The following MAST3 variants were observed in gnomAD, a reference collection of about 807,000 sequenced individuals.
MAST3 encodes microtubule associated serine/threonine kinase 3.
MAST3 carries 43 observed loss-of-function variants against 127.0 expected under a neutral mutation model. The observed-to-expected ratio is 0.34, with a 90% CI of 0.27 to 0.44. MAST3 has a LOEUF of 0.44. MAST3 is among the 20% of genes least tolerant of loss of function. The probability of loss-of-function intolerance (pLI) is 1.00; values close to 1 mark genes in which losing one functional copy is unlikely to be tolerated. For synonymous variants in MAST3, 785 were observed against 809.2 expected, an observed-to-expected ratio of 0.97 and a Z score of 0.51; for missense variants, 1,390 against 1,919.1, an observed-to-expected ratio of 0.72 and a Z score of 5.15.
intron 21 of MAST3, 131 bp downstream of exon 21, chr19:18,142,146 C>A: frequency 1.9e-6 from 2 of 1,027,906 alleles, no homozygotes; most frequent in Non-Finnish European, 2.5e-6. Context: ...ACCAGCCTAT[C>A]AGGTCCCTGG....
At chr19:18,138,769 G>A (rs1224207194) in intron 19 of MAST3, among the ~76,000 whole-genome samples, 1 of 152,110 alleles carries the variant, frequency 6.6e-6, no homozygotes, top group Admixed American at 6.6e-5. Context: ...AAAGTGCTGG[G>A]ATTACAGGCG....
In MAST3 at chr19:18,145,257, C is replaced by T. The variant is rs2042907766; in HGVS notation, c.3039+28C>T. 4 of 1,602,334 alleles carry T rather than the reference C, an allele frequency of 2.5e-6. No homozygotes were observed. Among genetic ancestry groups the T allele is most frequent in the Non-Finnish European group, 3.4e-6 (4 of 1,169,928 alleles). On this transcript the variant is annotated intron_variant, in intron 24 of 27. Coordinates refer to ENST00000687212, the MANE Select transcript of MAST3 (RefSeq NM_001393504.1). This position sits in a 1 kb window ranked among gnomAD's most constrained non-coding sequence, Gnocchi z 5.9. ...GAGTGCCGAGTGGGAATGGCAGGGA[C>T]CCGGGTTCTAGTTTGACTCTGCCCG...
intron 25 of MAST3, 72 bp from the exon 26 acceptor site, chr19:18,146,809 C>G: frequency 7.0e-7 from 1 of 1,436,056 alleles, no homozygotes; most frequent in Non-Finnish European, 9.4e-7. Flanking sequence ...GTGAAGGGGA[C>G]ATAGCAGCTG....
intron 27 of MAST3, among the ~76,000 whole-genome samples, chr19:18,148,795 T>C (rs1213438206): frequency 2.0e-5 from 3 of 151,536 alleles, no homozygotes; most frequent in East Asian, 3.9e-4. Context: ...CCCAGTTACT[T>C]AGGGGGCCGA....
intron 3 of MAST3, among the ~76,000 whole-genome samples, chr19:18,116,008 C>G (rs56382123): frequency 6.6e-6 from 1 of 152,132 alleles, no homozygotes; most frequent in African/African-American, 2.4e-5. Flanking sequence ...ATTACCTCCT[C>G]TGAGAGGCCT....
intron 1 of MAST3, among the ~76,000 whole-genome samples, chr19:18,102,747 T>C (rs1196453332): frequency 6.6e-6 from 1 of 152,030 alleles, no homozygotes; most frequent in Non-Finnish European, 1.5e-5. Flanking sequence ...CCCAGCGTGC[T>C]GGGATTACAG....
At chr19:18,126,414 C>T (rs192764182) in intron 11 of MAST3, among the ~76,000 whole-genome samples, 2 of 152,204 alleles carry the variant, frequency 1.3e-5, no homozygotes, top group African/African-American at 4.8e-5. Context: ...AAACAGGCAG[C>T]ATAGGCATAG....
chr19:18,125,598 G>A (rs778546092), intron 11 of MAST3, among the ~76,000 whole-genome samples: 35 of 151,850 alleles, frequency 2.3e-4, no homozygotes, highest in Non-Finnish European at 3.2e-4. Flanking sequence ...AAAATTAGCC[G>A]GGTGTGGTGG....
rs1033338534 is a variant in MAST3, at chr19:18,149,512, G to A, written c.3830G>A (p.Arg1277Gln). The change falls in exon 28 of 28, where the codon CGG becomes CAG. Residue 1277 changes from arginine (R) to glutamine (Q), a missense_variant. Physicochemically the swap from Arg to Gln is conservative, Grantham distance 43 (BLOSUM62 1). Coordinates refer to ENST00000687212, the MANE Select transcript of MAST3 (RefSeq NM_001393504.1). The surrounding 1 kb of genome is among the most constrained non-coding windows in gnomAD (Gnocchi z 5.9). ...TGERLDGEAG[R>Q]RTRGPEAELV... is the part of the protein sequence containing the mutation. ...GAGCGGCTGGATGGGGAGGCGGGGCGGCGCACTCGTGGGCCAGAGGCCGAG... is the reference window on the plus strand; with the variant it reads ...GAGCGGCTGGATGGGGAGGCGGGGCAGCGCACTCGTGGGCCAGAGGCCGAG... 9.7e-6 allele frequency: 15 copies of A among 1,549,088 alleles called. No homozygotes were observed. Among genetic ancestry groups the A allele is most frequent in the Non-Finnish European group, 1.3e-5 (15 of 1,146,878 alleles).
chr19:18,110,364 C>G lies in MAST3; in HGVS notation c.72-288C>G. The G allele has an allele frequency of 2.0e-6, 2 of 985,554 alleles. No homozygotes were observed. The highest frequency in any genetic ancestry group is 2.4e-6 in the Non-Finnish European group (2 of 830,026). The allele number at this position is 985,554 out of a possible 1,614,324, so 61.1% of individuals were successfully genotyped here. ...AGCTGCACATCCCGGCGCTGACCCT[C>G]GAGTGAGTGTTGGGCAGGGCGGGGG... On this transcript the variant is annotated intron_variant, in intron 2 of 27. Transcript: ENST00000687212. The surrounding 1 kb of genome is among the most constrained non-coding windows in gnomAD (Gnocchi z 4.3).
At chr19:18,131,514 C>G (rs1265017087) in intron 14 of MAST3, among the ~76,000 whole-genome samples, 1 of 139,840 alleles carries the variant, frequency 7.2e-6, no homozygotes, top group Admixed American at 7.1e-5. Context: ...TCCTGACCAA[C>G]ATAGTGAAGC....
In MAST3 at chr19:18,151,434, A is replaced by G. The variant is rs966290228; in HGVS notation, c.*1708A>G. 6.6e-6 allele frequency: 1 copy of G among 152,184 alleles called. No homozygotes were observed. The highest frequency in any genetic ancestry group is 1.5e-5 in the Non-Finnish European group (1 of 68,038). 9.4% of individuals were successfully genotyped at this position (152,184 alleles called of 1,614,324 possible). A position where few individuals can be genotyped will look rare whatever the true frequency, so the allele number is the denominator to read the frequency against. On this transcript the variant is annotated 3_prime_UTR_variant, in exon 28 of 28. Coordinates refer to ENST00000687212, the MANE Select transcript of MAST3 (RefSeq NM_001393504.1). ...GCCAGACCCTGTTGTGGGCGTTGTC[A>G]TCAAGGGAGCTTGAATGGAGGGTCT...
chr19:18,128,594 C>T (rs1000225163), intron 12 of MAST3, 136 bp downstream of exon 12: 12 of 955,080 alleles, frequency 1.3e-5, no homozygotes, highest in South Asian at 7.9e-5. Context: ...GGCAAGGTGA[C>T]GGCACGTGGG....
In MAST3 at chr19:18,116,328, T is replaced by C. The variant is rs1348601180; in HGVS notation, c.162-5357T>C. ...TTTTTTTGAGACAGAGTTTCGCTCT[T>C]GTTGCCCAGGATGGAGTGCAATGGT... On this transcript the variant is annotated intron_variant, in intron 3 of 27. Transcript: ENST00000687212. 4.0e-5 allele frequency among the ~76,000 whole-genome samples: 6 copies of C among 150,992 alleles called. No individual in the cohort carries two copies. The East Asian group carries it at 1.2e-3, about 30-fold the overall frequency.
rs754889631 is a variant in MAST3 at position 18,144,686 on chromosome 19, C to T, written c.2805C>T (p.Ile935=). The T allele has an allele frequency of 6.2e-7, 1 of 1,607,712 alleles. No individual in the cohort carries two copies. Among genetic ancestry groups the T allele is most frequent in the South Asian group, 1.1e-5 (1 of 91,092 alleles). The change falls in exon 23 of 28, where the codon ATC becomes ATT. Residue 935 remains isoleucine, a synonymous_variant. Coordinates refer to ENST00000687212, the MANE Select transcript of MAST3 (RefSeq NM_001393504.1). This position sits in a 1 kb window ranked among gnomAD's most constrained non-coding sequence, Gnocchi z 4.0. The part of the protein sequence containing the change: ...SASVSALSLI[I]TADDGSGGPL... ...CTGTCTCTGCCCTGTCCCTCATCAT[C>T]ACGGCAGGTAATGCCCAAGGCCCCT... is the stretch of plus-strand genomic sequence containing the variant.
At chr19:18,138,987 G>A (rs766079350) in intron 19 of MAST3, 28 bp from the exon 20 acceptor site, 34 of 1,466,294 alleles carry the variant, frequency 2.3e-5, no homozygotes, top group East Asian at 9.7e-5. Context: ...GGCATCAGGC[G>A]TGCTGCATGT....
At chr19:18,130,823 G>T in intron 14 of MAST3, 121 bp downstream of exon 14, 1 of 1,046,484 alleles carries the variant, frequency 9.6e-7, no homozygotes. Flanking sequence ...ACCCTGCTTT[G>T]GGGAACCCTC....
chr19:18,123,116 G>A, intron 6 of MAST3, 101 bp from the exon 7 acceptor site: 1 of 1,287,934 alleles, frequency 7.8e-7, no homozygotes, highest in South Asian at 1.2e-5. Flanking sequence ...GTTACCTTCT[G>A]ATGGCCAGCA....
At chr19:18,140,764 G>A (rs1281167539) in intron 20 of MAST3, among the ~76,000 whole-genome samples, 1 of 151,960 alleles carries the variant, frequency 6.6e-6, no homozygotes, top group Non-Finnish European at 1.5e-5. Flanking sequence ...ATTCCACCTT[G>A]TGAATACAGG....
Sources: gnomAD v4.1 joint callset for allele counts (sites outside exome capture counted in the v4.1 genomes callset) on GRCh38, gnomAD v4.1.1 for gene constraint, Gnocchi (gnomAD v3.1) non-coding constraint, MANE v1.5 for transcripts, NCBI Gene and HGNC (gene_info 2026-07-23, HGNC 2026-07-21) for gene names.